The following LHCGR variants were observed in gnomAD, a reference collection of about 807,000 sequenced individuals.
LHCGR encodes the protein luteinizing hormone/choriogonadotropin receptor, also known as lutropin-choriogonadotropic hormone receptor.
Under a neutral mutation model 60.7 loss-of-function variants are expected in LHCGR, and 55 were observed. The ratio of observed to expected loss-of-function variants is 0.91; its 90% confidence interval spans 0.73 to 1.13. The LOEUF is 1.13. Among genes scored for constraint, LHCGR ranks in the 50% most tolerant of loss-of-function variants. The pLI is 0.00. For missense variants in LHCGR, 862 were observed against 836.0 expected, an observed-to-expected ratio of 1.03 and a Z score of -0.38; for synonymous variants, 337 against 316.5, an observed-to-expected ratio of 1.06 and a Z score of -0.69.
At chr2:48,735,154 A>C (rs994235948) in intron 1 of LHCGR, among the ~76,000 whole-genome samples, 1 of 152,198 alleles carries the variant, frequency 6.6e-6, no homozygotes, top group Non-Finnish European at 1.5e-5. Context: ...ATCAGCTTGG[A>C]ACTTCCATCT....
chr2:48,688,150 A>G lies in LHCGR; in HGVS notation c.1647T>C (p.Ile549=). The G allele has an allele frequency of 6.2e-7, 1 of 1,614,154 alleles. No individual in the cohort carries two copies. The highest frequency in any genetic ancestry group is 8.5e-7 in the Non-Finnish European group (1 of 1,180,012). The change falls in exon 11 of 11, where the codon ATT becomes ATC. Residue 549 remains isoleucine, a synonymous_variant. Transcript: ENST00000294954. This position sits in a 1 kb window ranked among gnomAD's most constrained non-coding sequence, Gnocchi z 5.2. ...FFIICACYIK[I]YFAVRNPELM... is the part of the protein sequence containing the mutation. ...ATTCTGGGTTTCGAACTGCAAAATA[A>G]ATTTTAATGTAGCAAGCACAAATTA...
chr2:48,749,882 C>T (rs1669881527), intron 1 of LHCGR, among the ~76,000 whole-genome samples: 1 of 152,140 alleles, frequency 6.6e-6, no homozygotes, highest in South Asian at 2.1e-4. Flanking sequence ...TTGCTAGGGG[C>T]TATCATTCAC....
At chr2:48,724,934 G>T (rs116107127) in intron 4 of LHCGR, among the ~76,000 whole-genome samples, 1,643 of 152,254 alleles carry the variant, frequency 0.011, 16 homozygotes, top group Non-Finnish European at 0.019. Context: ...TGGGAGGTGG[G>T]CTTTACATTC....
chr2:48,693,806 A>T (rs1666979645), intron 10 of LHCGR, among the ~76,000 whole-genome samples: 1 of 152,232 alleles, frequency 6.6e-6, no homozygotes, highest in Non-Finnish European at 1.5e-5. Flanking sequence ...TTGTCGAGGT[A>T]GCCTAAGTCT....
intron 1 of LHCGR, among the ~76,000 whole-genome samples, chr2:48,737,148 C>G (rs1669236564): frequency 1.3e-5 from 2 of 152,224 alleles, no homozygotes; most frequent in South Asian, 4.1e-4. Flanking sequence ...TTCTGCCCAA[C>G]ACATGGCAGA....
chr2:48,708,527 G>A (rs536508150), intron 8 of LHCGR, among the ~76,000 whole-genome samples: 2 of 142,334 alleles, frequency 1.4e-5, no homozygotes, highest in Non-Finnish European at 3.0e-5. Flanking sequence ...TTATTAAAAG[G>A]GGCAATTTGG....
chr2:48,755,538 G>C lies in LHCGR; in HGVS notation c.134C>G (p.Pro45Arg). ...NCVPDGALRCPGPTAGLTRLS... is the reference protein window; with the variant it reads ...NCVPDGALRCRGPTAGLTRLS... ...TCGAGTGAGACCGGCCGTGGGGCCGGGGCAGCGCAGGGCGCCGTCGGGCAC... is the reference window on the plus strand; with the variant it reads ...TCGAGTGAGACCGGCCGTGGGGCCGCGGCAGCGCAGGGCGCCGTCGGGCAC... Residue 45 changes from proline to arginine, a missense_variant, in exon 1 of 11, where the codon CCC becomes CGC. Transcript: ENST00000294954. 1 of 1,541,590 alleles carries C rather than the reference G, an allele frequency of 6.5e-7. No homozygotes were observed. The highest frequency in any genetic ancestry group is 8.7e-7 in the Non-Finnish European group (1 of 1,144,592).
At chr2:48,731,107 T>TACAAA in intron 2 of LHCGR, 120 bp downstream of exon 2, 1 of 670,446 alleles carries the variant, frequency 1.5e-6, no homozygotes, top group Non-Finnish European at 2.7e-6. Context: ...TAAAAATATG[T>TACAAA]GAGTATCCTA....
At chr2:48,694,022 GT>G (rs35306306) in intron 10 of LHCGR, among the ~76,000 whole-genome samples, 3 of 152,192 alleles carry the variant, frequency 2.0e-5, no homozygotes, top group East Asian at 1.9e-4. Flanking sequence ...TTTTAAAATA[GT>G]TTTTTTAAAC....
chr2:48,731,187 C>A (rs1668968839), intron 2 of LHCGR, 40 bp downstream of exon 2: 3 of 1,351,500 alleles, frequency 2.2e-6, no homozygotes, highest in South Asian at 2.4e-5. Flanking sequence ...ATTCATTATT[C>A]CAATTACGAA....
rs775202386 is a variant in LHCGR at position 48,689,182 on chromosome 2, C to CAT, written c.948-334_948-333insAT. 9.6e-4 allele frequency among the ~76,000 whole-genome samples: 145 copies of CAT among 150,566 alleles called. 1 individual carries two copies. The East Asian group carries it at 0.018, about 19-fold the overall frequency. ...ATACACACATATATACATATATACA[C>CAT]ACATATATATACTATACATACATAC... is the stretch of plus-strand genomic sequence containing the variant. On this transcript the variant is annotated intron_variant, in intron 10 of 10. Transcript: ENST00000294954.
At chr2:48,745,120 G>C (rs1201940903) in intron 1 of LHCGR, among the ~76,000 whole-genome samples, 3 of 152,218 alleles carry the variant, frequency 2.0e-5, no homozygotes, top group Non-Finnish European at 4.4e-5. Context: ...GGCCATCAGA[G>C]AAATGCAAAT....
chr2:48,687,666 C>A lies in LHCGR; in HGVS notation c.*31G>T, dbSNP rs754052768. 6.4e-7 allele frequency: 1 copy of A among 1,562,736 alleles called. No individual in the cohort carries two copies. Among genetic ancestry groups the A allele is most frequent in the African/African-American group, 1.4e-5 (1 of 73,772 alleles). On this transcript the variant is annotated 3_prime_UTR_variant, in exon 11 of 11. Transcript: ENST00000294954. ...TAATTTTTTTTTACAGGTTTAAGAA[C>A]AATTCAATAATGCAGTTACTGATGT...
At chr2:48,746,578 C>G (rs569777138) in intron 1 of LHCGR, among the ~76,000 whole-genome samples, 1 of 152,322 alleles carries the variant, frequency 6.6e-6, no homozygotes, top group African/African-American at 2.4e-5. Flanking sequence ...CATTCCGCAG[C>G]ACCCAAGATG....
At chr2:48,689,343 T>G (rs1680088243) in intron 10 of LHCGR, among the ~76,000 whole-genome samples, 1 of 152,174 alleles carries the variant, frequency 6.6e-6, no homozygotes, top group Non-Finnish European at 1.5e-5. Context: ...TCTTAACTAT[T>G]TATCTCTCAT....
At chr2:48,699,101 G>A (rs1667276228) in intron 8 of LHCGR, among the ~76,000 whole-genome samples, 2 of 152,262 alleles carry the variant, frequency 1.3e-5, no homozygotes, top group South Asian at 2.1e-4. Context: ...TGGGATTACA[G>A]GCATGAGCCA....
chr2:48,702,425 G>C (rs62135381), intron 8 of LHCGR, among the ~76,000 whole-genome samples: 46,207 of 151,060 alleles, frequency 0.31, 7,605 homozygotes, highest in African/African-American at 0.42. Context: ...CTGCCCACCC[G>C]CCGACAGGCC....
intron 1 of LHCGR, among the ~76,000 whole-genome samples, chr2:48,750,461 A>G (rs1275284622): frequency 6.6e-6 from 1 of 152,254 alleles, no homozygotes; most frequent in African/African-American, 2.4e-5. Context: ...GCTATTTCCC[A>G]TTCAAATGAT....
At chr2:48,754,243 A>C (rs1670105680) in intron 1 of LHCGR, among the ~76,000 whole-genome samples, 1 of 152,158 alleles carries the variant, frequency 6.6e-6, no homozygotes, top group Non-Finnish European at 1.5e-5. Flanking sequence ...AAGGCCTTTA[A>C]CTTTTCCACA....
Sources: gnomAD v4.1 joint callset for allele counts (sites outside exome capture counted in the v4.1 genomes callset) on GRCh38, gnomAD v4.1.1 for gene constraint, Gnocchi (gnomAD v3.1) non-coding constraint, MANE v1.5 for transcripts, NCBI Gene and HGNC (gene_info 2026-07-23, HGNC 2026-07-21) for gene names.